Variants in ZBTB20 observed in about 807,000 individuals in gnomAD.
ZBTB20 encodes zinc finger and BTB domain-containing protein 20.
ZBTB20 carries 9 observed loss-of-function variants against 56.9 expected under a neutral mutation model. That is an observed-to-expected ratio of 0.16 (90% CI 0.10 to 0.28). The LOEUF is 0.28. Ranked by LOEUF, ZBTB20 falls within the 10% of genes least tolerant of loss-of-function variation. The probability of loss-of-function intolerance (pLI) is 1.00; values close to 1 mark genes in which losing one functional copy is unlikely to be tolerated. For missense variants in ZBTB20, 655 were observed against 1,003.0 expected (o/e 0.65, Z 4.69); for synonymous variants, 417 against 420.7 (o/e 0.99, Z 0.11).
intron 10 of ZBTB20, among the ~76,000 whole-genome samples, chr3:114,374,122 C>T (rs1165237487): frequency 6.6e-6 from 1 of 151,920 alleles, no homozygotes; most frequent in African/African-American, 2.4e-5. Context: ...CGAAAAAATT[C>T]CAAAGAGATT....
intron 6 of ZBTB20, among the ~76,000 whole-genome samples, chr3:114,540,305 TTTTAAG>T (rs1450566804): frequency 1.3e-5 from 2 of 152,096 alleles, no homozygotes; most frequent in African/African-American, 2.4e-5. Flanking sequence ...AACCCATAAT[TTTTAAG>T]TTTATGTTAT....
chr3:115,084,130 A>C (rs2082898173), intron 1 of ZBTB20, among the ~76,000 whole-genome samples: 1 of 151,798 alleles, frequency 6.6e-6, no homozygotes, highest in Non-Finnish European at 1.5e-5. Flanking sequence ...TATTTCAAGT[A>C]ATTTCCAGTT....
rs538986592 is a variant in ZBTB20, at chr3:114,324,462, G to C, written c.*14543C>G. 1.3e-5 allele frequency: 2 copies of C among 151,846 alleles called. No homozygotes were observed. The highest frequency in any genetic ancestry group is 2.9e-5 in the Non-Finnish European group (2 of 67,914). The allele number at this position is 151,846 out of a possible 1,614,324, so 9.4% of individuals were successfully genotyped here. ...CTAGGAGCACTCACTTTTCTACATT[G>C]ATCACTTTTTCCCTCACCTCATTAG... is the stretch of plus-strand genomic sequence containing the variant. On this transcript the variant is annotated 3_prime_UTR_variant, in exon 12 of 12. Transcript: ENST00000675478.
intron 5 of ZBTB20, among the ~76,000 whole-genome samples, chr3:114,729,204 A>C (rs1240659937): frequency 6.6e-6 from 1 of 152,218 alleles, no homozygotes; most frequent in Non-Finnish European, 1.5e-5. Flanking sequence ...AAGAAAGATA[A>C]ACTAAAAGAC....
intron 4 of ZBTB20, among the ~76,000 whole-genome samples, chr3:114,826,665 T>C (rs1321968650): frequency 7.9e-5 from 12 of 151,698 alleles, no homozygotes; most frequent in Admixed American, 7.9e-4. Context: ...GCACAGTGTT[T>C]CAAGAATTAA....
At chr3:114,630,042 A>G (rs1027349553) in intron 6 of ZBTB20, among the ~76,000 whole-genome samples, 4 of 152,100 alleles carry the variant, frequency 2.6e-5, no homozygotes, top group Admixed American at 2.6e-4. Context: ...TGTGGGGCTG[A>G]GGTGAGAGGA....
chr3:114,426,337 C>CAAAAAAAAAAAA (rs60778829), intron 7 of ZBTB20, among the ~76,000 whole-genome samples: 1 of 109,516 alleles, frequency 9.1e-6, no homozygotes, highest in African/African-American at 4.3e-5. Context: ...GACTCCATCT[C>CAAAAAAAAAAAA]AAAAAAAAAA....
chr3:114,836,891 C>T (rs1375344564), intron 4 of ZBTB20, among the ~76,000 whole-genome samples: 1 of 152,134 alleles, frequency 6.6e-6, no homozygotes, highest in Admixed American at 6.6e-5. Flanking sequence ...ATATATAGTG[C>T]AATAAGAAGA....
At chr3:114,786,090 T>A (rs1304041724) in intron 5 of ZBTB20, among the ~76,000 whole-genome samples, 2 of 152,130 alleles carry the variant, frequency 1.3e-5, no homozygotes, top group Non-Finnish European at 2.9e-5. Flanking sequence ...AACAGCCATG[T>A]TTTCAATACA....
chr3:114,949,586 G>A (rs1188422376), intron 3 of ZBTB20, among the ~76,000 whole-genome samples: 1 of 145,562 alleles, frequency 6.9e-6, no homozygotes, highest in African/African-American at 2.8e-5. Context: ...TGGCTAACAT[G>A]GTGAAACCCC....
chr3:115,092,316 A>G (rs992268288), intron 1 of ZBTB20, among the ~76,000 whole-genome samples: 3 of 152,050 alleles, frequency 2.0e-5, no homozygotes, highest in Non-Finnish European at 4.4e-5. Context: ...ACAGGGACAC[A>G]AGGTGGCACT....
At chr3:114,865,574 C>G (rs2075731973) in intron 4 of ZBTB20, among the ~76,000 whole-genome samples, 1 of 152,124 alleles carries the variant, frequency 6.6e-6, no homozygotes, top group South Asian at 2.1e-4. Context: ...AAGACACTTA[C>G]AATTATTCTG....
chr3:114,768,135 G>A (rs1313956532), intron 5 of ZBTB20, among the ~76,000 whole-genome samples: 4 of 151,878 alleles, frequency 2.6e-5, no homozygotes, highest in Non-Finnish European at 5.9e-5. Context: ...GGGATTTGGA[G>A]AAATGGAAAT....
At chr3:114,616,063 A>G (rs1311299466) in intron 6 of ZBTB20, among the ~76,000 whole-genome samples, 1 of 152,222 alleles carries the variant, frequency 6.6e-6, no homozygotes, top group East Asian at 1.9e-4. Context: ...TATTCACTGG[A>G]TAACACATCT....
At chr3:114,900,496 T>C (rs2075067277) in intron 3 of ZBTB20, 154 bp from the exon 4 acceptor site, 1 of 138,462 alleles carries the variant, frequency 7.2e-6, no homozygotes, top group African/African-American at 2.7e-5. Flanking sequence ...GGATATTTCA[T>C]ATATCTGAAA....
intron 10 of ZBTB20, among the ~76,000 whole-genome samples, chr3:114,375,126 A>T (rs1014819263): frequency 2.0e-5 from 3 of 152,250 alleles, no homozygotes; most frequent in Non-Finnish European, 4.4e-5. Context: ...ACACAACAGG[A>T]GACAGAATGA....
At chr3:114,817,717 A>T (rs1295309106) in intron 4 of ZBTB20, among the ~76,000 whole-genome samples, 1 of 152,142 alleles carries the variant, frequency 6.6e-6, no homozygotes, top group Non-Finnish European at 1.5e-5. Context: ...TCTGTGTTGT[A>T]ATTCATAATA....
chr3:114,593,384 C>CTTTT (rs201568736), intron 6 of ZBTB20, among the ~76,000 whole-genome samples: 3 of 133,482 alleles, frequency 2.2e-5, no homozygotes, highest in South Asian at 2.5e-4. Flanking sequence ...TTTTTCTTTT[C>CTTTT]TTTTTTTTTT....
At chr3:114,341,042 T>C (rs1328471810) in intron 11 of ZBTB20, among the ~76,000 whole-genome samples, 1 of 152,214 alleles carries the variant, frequency 6.6e-6, no homozygotes, top group Non-Finnish European at 1.5e-5. Flanking sequence ...TCATGATCCA[T>C]TTTATTAAAC....
Sources: gnomAD v4.1 joint callset for allele counts (sites outside exome capture counted in the v4.1 genomes callset) on GRCh38, gnomAD v4.1.1 for gene constraint, MANE v1.5 for transcripts, NCBI Gene and HGNC (gene_info 2026-07-23, HGNC 2026-07-21) for gene names.